Variants in ADGRL3 observed in about 807,000 individuals in gnomAD.
ADGRL3 encodes the protein calcium-independent alpha-latrotoxin receptor 3.
ADGRL3 carries 62 observed loss-of-function variants against 153.5 expected under a neutral mutation model. The observed-to-expected ratio is 0.40, with a 90% confidence interval of 0.33 to 0.50. ADGRL3 has a LOEUF of 0.50. Among genes scored for constraint, ADGRL3 ranks in the 20% least tolerant of loss-of-function variants. The probability of loss-of-function intolerance (pLI) is 0.47; values close to 1 mark genes in which losing one functional copy is unlikely to be tolerated. For synonymous variants in ADGRL3, 710 were observed against 672.5 expected (o/e 1.06, Z -0.86); for missense variants, 1,641 against 1,859.4 (o/e 0.88, Z 2.16).
intron 9 of ADGRL3, among the ~76,000 whole-genome samples, chr4:61,841,726 A>C (rs990491682): frequency 1.3e-5 from 2 of 152,242 alleles, no homozygotes; most frequent in Non-Finnish European, 1.5e-5. Flanking sequence ...ATGAGAAAAA[A>C]TAATTTCCAC....
At chr4:61,326,599 A>ATGTTAATGTGTGTGTGTGTGTGTG (rs2095471017) in intron 1 of ADGRL3, among the ~76,000 whole-genome samples, 1 of 140,646 alleles carries the variant, frequency 7.1e-6, no homozygotes, top group African/African-American at 2.6e-5. Context: ...ATGCCAGATA[A>ATGTTAATGTGTGTGTGTGTGTGTG]TGTGTGTGTG....
At chr4:61,306,198 C>T (rs543761271) in intron 1 of ADGRL3, among the ~76,000 whole-genome samples, 153 of 151,954 alleles carry the variant, frequency 1.0e-3, no homozygotes, top group African/African-American at 3.2e-3. Context: ...CCTGGGTTCA[C>T]GCCATTCTCC....
At chr4:61,656,375 A>T (rs1324098183) in intron 5 of ADGRL3, among the ~76,000 whole-genome samples, 2 of 152,020 alleles carry the variant, frequency 1.3e-5, no homozygotes, top group Non-Finnish European at 2.9e-5. Flanking sequence ...GGGGGGTGAA[A>T]TATACAAAAG....
intron 1 of ADGRL3, among the ~76,000 whole-genome samples, chr4:61,294,036 G>T (rs1408192231): frequency 3.3e-5 from 5 of 152,144 alleles, no homozygotes; most frequent in Admixed American, 6.5e-5. Flanking sequence ...GGTTCAAAAT[G>T]ATTTCTGACT....
chr4:61,676,125 TGTC>T (rs1389090514), intron 5 of ADGRL3, among the ~76,000 whole-genome samples: 5 of 152,038 alleles, frequency 3.3e-5, no homozygotes, highest in African/African-American at 1.2e-4. Context: ...ATTAGTGGTA[TGTC>T]ATTATTCTTT....
chr4:61,418,121 A>G (rs910386028), intron 2 of ADGRL3, among the ~76,000 whole-genome samples: 1 of 152,210 alleles, frequency 6.6e-6, no homozygotes, highest in Admixed American at 6.5e-5. Flanking sequence ...CGCTAGAGAA[A>G]GAGAAGAGCA....
At chr4:61,922,178 G>A (rs546061891) in intron 13 of ADGRL3, among the ~76,000 whole-genome samples, 1 of 152,266 alleles carries the variant, frequency 6.6e-6, no homozygotes, top group South Asian at 2.1e-4. Flanking sequence ...GGTCTAGAGA[G>A]ACCCACAATA....
chr4:61,576,705 G>T (rs1438999089), intron 4 of ADGRL3, among the ~76,000 whole-genome samples: 1 of 151,098 alleles, frequency 6.6e-6, no homozygotes, highest in East Asian at 1.9e-4. Flanking sequence ...TAGTCAATTT[G>T]CAGACTTATT....
chr4:61,571,300 C>A (rs1298631846), intron 4 of ADGRL3, among the ~76,000 whole-genome samples: 3 of 147,964 alleles, frequency 2.0e-5, no homozygotes, highest in Admixed American at 7.0e-5. Flanking sequence ...CATGACAAGA[C>A]CCTGTCTCAA....
chr4:61,945,907 A>G (rs991765853), intron 15 of ADGRL3, among the ~76,000 whole-genome samples: 2 of 151,942 alleles, frequency 1.3e-5, no homozygotes, highest in African/African-American at 4.8e-5. Flanking sequence ...TGCGTCGCTC[A>G]CGCTGGGAGC....
intron 2 of ADGRL3, among the ~76,000 whole-genome samples, chr4:61,394,784 T>C (rs1021093127): frequency 1.3e-5 from 2 of 152,074 alleles, no homozygotes; most frequent in Non-Finnish European, 2.9e-5. Context: ...TCACAAAATT[T>C]AATTCCTGGG....
At chr4:62,058,342 T>G (rs1486547632) in intron 25 of ADGRL3, among the ~76,000 whole-genome samples, 3 of 152,170 alleles carry the variant, frequency 2.0e-5, no homozygotes, top group Non-Finnish European at 4.4e-5. Flanking sequence ...TAAATTACAT[T>G]AGGAGCTGGA....
At chr4:62,029,510 T>G (rs947363857) in intron 22 of ADGRL3, among the ~76,000 whole-genome samples, 1 of 151,668 alleles carries the variant, frequency 6.6e-6, no homozygotes, top group African/African-American at 2.4e-5. Context: ...AATATGAACA[T>G]AAATGTTAAC....
intron 9 of ADGRL3, among the ~76,000 whole-genome samples, chr4:61,820,694 A>G (rs1253406773): frequency 6.6e-6 from 1 of 152,194 alleles, no homozygotes; most frequent in Non-Finnish European, 1.5e-5. Context: ...TTTGAGGCAT[A>G]TTTCCCAGTT....
At chr4:61,465,290 G>A (rs1337905989) in intron 2 of ADGRL3, among the ~76,000 whole-genome samples, 2 of 151,956 alleles carry the variant, frequency 1.3e-5, no homozygotes, top group Admixed American at 1.3e-4. Context: ...TAAATATTTT[G>A]CCATATTAAA....
rs2098549166 is a variant in ADGRL3 at position 61,524,653 on chromosome 4, C to G, written c.259+7135C>G. On this transcript the variant is annotated intron_variant, in intron 4 of 26. Coordinates refer to ENST00000683033, the MANE Select transcript of ADGRL3 (RefSeq NM_001387552.1). ...TTCTTAAAATCTTGTTATCACATCT[C>G]TAAAGTGTGATATAAAAATGCATAT... Among the ~76,000 whole-genome samples, 3 of 152,002 alleles carry G rather than the reference C, an allele frequency of 2.0e-5. No homozygotes were observed. The South Asian group carries it at 6.2e-4, about 31-fold the overall frequency.
intron 8 of ADGRL3, among the ~76,000 whole-genome samples, chr4:61,742,720 T>G (rs1290102503): frequency 2.6e-5 from 4 of 152,190 alleles, no homozygotes; most frequent in African/African-American, 9.7e-5. Context: ...TAATAATGAT[T>G]AATGACAAAA....
chr4:61,348,568 C>A (rs2095973623), intron 1 of ADGRL3, among the ~76,000 whole-genome samples: 1 of 151,856 alleles, frequency 6.6e-6, no homozygotes, highest in Non-Finnish European at 1.5e-5. Flanking sequence ...AAGGTGGAAG[C>A]ATAATTCTCA....
At chr4:61,720,481 G>A (rs2096222362) in intron 6 of ADGRL3, among the ~76,000 whole-genome samples, 1 of 152,154 alleles carries the variant, frequency 6.6e-6, no homozygotes, top group Admixed American at 6.5e-5. Context: ...TTTTTATTAA[G>A]AGCAGGCCAT....
Sources: gnomAD v4.1 joint callset for allele counts (sites outside exome capture counted in the v4.1 genomes callset) on GRCh38, gnomAD v4.1.1 for gene constraint, MANE v1.5 for transcripts, NCBI Gene and HGNC (gene_info 2026-07-23, HGNC 2026-07-21) for gene names.